Variants in NMNAT2 observed in about 807,000 individuals in gnomAD.
The protein encoded by NMNAT2 is nicotinamide nucleotide adenylyltransferase 2.
In NMNAT2, 11 loss-of-function variants were observed where a neutral mutation model predicts 41.6. The observed-to-expected ratio is 0.26, with a 90% CI of 0.17 to 0.44. The LOEUF (loss-of-function observed/expected upper bound fraction) is 0.44, where lower values mean the gene tolerates loss of function less well. Ranked by LOEUF, NMNAT2 falls within the 20% of genes least tolerant of loss-of-function variation. The pLI is 1.00. For missense variants in NMNAT2, 288 were observed against 407.7 expected (o/e 0.71, Z 2.53); for synonymous variants, 148 against 151.2 (o/e 0.98, Z 0.16).
At chr1:183,306,484 C>T (rs1661995636) in intron 1 of NMNAT2, among the ~76,000 whole-genome samples, 1 of 152,184 alleles carries the variant, frequency 6.6e-6, no homozygotes, top group African/African-American at 2.4e-5. Context: ...TACCCAGCCC[C>T]TCCCTCAACC....
chr1:183,403,267 T>TC (rs1648866127), intron 1 of NMNAT2, among the ~76,000 whole-genome samples: 1 of 152,144 alleles, frequency 6.6e-6, no homozygotes, highest in Non-Finnish European at 1.5e-5. Context: ...CTTTTCTCCC[T>TC]CCCAAACTTT....
At chr1:183,356,906 G>A (rs1002951312) in intron 1 of NMNAT2, among the ~76,000 whole-genome samples, 7 of 152,158 alleles carry the variant, frequency 4.6e-5, no homozygotes, top group African/African-American at 1.7e-4. Context: ...AACTTTTGTT[G>A]TGGCTGCATA....
At chr1:183,291,795 T>C (rs1661546483) in intron 3 of NMNAT2, among the ~76,000 whole-genome samples, 1 of 152,230 alleles carries the variant, frequency 6.6e-6, no homozygotes, top group Non-Finnish European at 1.5e-5. Context: ...AGCCCTTTCA[T>C]TTCTCTGGGC....
chr1:183,273,819 T>A (rs1227847728), intron 8 of NMNAT2, among the ~76,000 whole-genome samples: 1 of 139,678 alleles, frequency 7.2e-6, no homozygotes, highest in African/African-American at 2.8e-5. Context: ...TTCTTTCCTT[T>A]CTTTTCCCTC....
chr1:183,379,855 T>G (rs977156607), intron 1 of NMNAT2, among the ~76,000 whole-genome samples: 5 of 152,264 alleles, frequency 3.3e-5, no homozygotes, highest in African/African-American at 1.2e-4. Context: ...AGGGATTGCT[T>G]GAAAGATAAA....
chr1:183,276,679 C>T (rs946971919), intron 8 of NMNAT2, among the ~76,000 whole-genome samples: 7 of 152,370 alleles, frequency 4.6e-5, no homozygotes, highest in African/African-American at 9.6e-5. Context: ...TCCTCCAGGA[C>T]GGCCCAGGCC....
intron 1 of NMNAT2, among the ~76,000 whole-genome samples, chr1:183,344,395 G>T (rs576622983): frequency 6.6e-6 from 1 of 152,234 alleles, no homozygotes; most frequent in South Asian, 2.1e-4. Context: ...ACTGCTTCCC[G>T]CTGTTCTACC....
Position 183,251,381 on chromosome 1 carries a change from A to G in NMNAT2, c.*1260T>C, listed in dbSNP as rs1453360251. The G allele has an allele frequency of 2.0e-5, 3 of 152,278 alleles. No homozygotes were observed. The highest frequency in any genetic ancestry group is 4.4e-5 in the Non-Finnish European group (3 of 68,090). The allele number at this position is 152,278 out of a possible 1,614,324, so 9.4% of individuals were successfully genotyped here. A position where few individuals can be genotyped will look rare whatever the true frequency, so the allele number is the denominator to read the frequency against. ...ATCATCAGTTATCATCAGGGCAACAAATTGCTTTCTCCTAGTTCATCCTGG... is the reference window on the plus strand; with the variant it reads ...ATCATCAGTTATCATCAGGGCAACAGATTGCTTTCTCCTAGTTCATCCTGG... On this transcript the variant is annotated 3_prime_UTR_variant, in exon 11 of 11. Coordinates refer to ENST00000287713, the MANE Select transcript of NMNAT2 (RefSeq NM_015039.4).
intron 1 of NMNAT2, among the ~76,000 whole-genome samples, chr1:183,347,354 G>C (rs1200582247): frequency 6.6e-6 from 1 of 152,032 alleles, no homozygotes; most frequent in African/African-American, 2.4e-5. Flanking sequence ...TACTCAAGAG[G>C]GTGAGAGAGG....
intron 1 of NMNAT2, among the ~76,000 whole-genome samples, chr1:183,380,973 GTGAGGAGTGGA>G (rs1454993012): frequency 7.2e-5 from 11 of 152,156 alleles, no homozygotes. Context: ...TAGAGGCAGT[GTGAGGAGTGGA>G]TGAGGGCCTG....
chr1:183,406,191 T>A (rs1278605303), intron 1 of NMNAT2, among the ~76,000 whole-genome samples: 1 of 152,088 alleles, frequency 6.6e-6, no homozygotes, highest in Non-Finnish European at 1.5e-5. Context: ...TGAATTGAAT[T>A]GAATAGAGGG....
chr1:183,321,129 A>G (rs550391821), intron 1 of NMNAT2, among the ~76,000 whole-genome samples: 2 of 152,328 alleles, frequency 1.3e-5, no homozygotes, highest in Non-Finnish European at 2.9e-5. Context: ...TTCCACCTAC[A>G]TGTGTGTGCT....
Position 183,413,895 on chromosome 1 carries a change from C to T in NMNAT2, c.85+4288G>A, listed in dbSNP as rs137924424. On this transcript the variant is annotated intron_variant, in intron 1 of 10. Coordinates refer to ENST00000287713, the MANE Select transcript of NMNAT2 (RefSeq NM_015039.4). Reference sequence around the variant, plus strand: ...GTGCTGGGATTACAGGCATGAGCCACCGCGCCCGGCCTAGAAATATTAATT... The same window carrying T: ...GTGCTGGGATTACAGGCATGAGCCATCGCGCCCGGCCTAGAAATATTAATT... Among the ~76,000 whole-genome samples, 359 of 152,276 alleles carry T rather than the reference C, an allele frequency of 2.4e-3. 2 individuals are homozygous for T. Among genetic ancestry groups the T allele is most frequent in the African/African-American group, 8.2e-3 (341 of 41,566 alleles).
intron 6 of NMNAT2, 145 bp downstream of exon 6, chr1:183,284,565 G>A: frequency 1.4e-6 from 1 of 726,402 alleles, no homozygotes; most frequent in Non-Finnish European, 2.5e-6. Context: ...TGTGTGGGGG[G>A]ATACGTTGTG....
chr1:183,317,551 C>T (rs1662279297), intron 1 of NMNAT2, among the ~76,000 whole-genome samples: 1 of 152,224 alleles, frequency 6.6e-6, no homozygotes, highest in Non-Finnish European at 1.5e-5. Flanking sequence ...GGATTATAGG[C>T]ATGAGCCACC....
At chr1:183,327,520 T>A (rs114657212) in intron 1 of NMNAT2, among the ~76,000 whole-genome samples, 2,757 of 152,362 alleles carry the variant, frequency 0.018, 85 homozygotes, top group African/African-American at 0.063. Flanking sequence ...CGACAGCTCA[T>A]GTATACCAGT....
chr1:183,412,708 T>C (rs1437455361), intron 1 of NMNAT2, among the ~76,000 whole-genome samples: 2 of 152,220 alleles, frequency 1.3e-5, no homozygotes, highest in African/African-American at 4.8e-5. Context: ...TCCAAAACAT[T>C]TGGACATAAA....
intron 1 of NMNAT2, among the ~76,000 whole-genome samples, chr1:183,413,815 G>T (rs1318337689): frequency 6.6e-6 from 1 of 151,976 alleles, no homozygotes; most frequent in Non-Finnish European, 1.5e-5. Context: ...CACCGTGTTC[G>T]CCAGGATGGT....
At chr1:183,297,464 C>G (rs1168993321) in intron 1 of NMNAT2, among the ~76,000 whole-genome samples, 1 of 151,340 alleles carries the variant, frequency 6.6e-6, no homozygotes, top group Admixed American at 6.6e-5. Flanking sequence ...CTCAGCGCAA[C>G]CTCTGCCTCC....
Sources: allele counts gnomAD v4.1 joint callset (sites outside exome capture counted in the v4.1 genomes callset), GRCh38; gene constraint gnomAD v4.1.1; transcripts MANE v1.5; gene names NCBI Gene and HGNC (gene_info 2026-07-23, HGNC 2026-07-21).